CTNND2: variants seen among roughly 807,000 people sequenced by gnomAD.
CTNND2 encodes catenin delta 2.
CTNND2 carries 22 observed loss-of-function variants against 144.4 expected under a neutral mutation model. The ratio of observed to expected loss-of-function variants is 0.15; its 90% CI spans 0.11 to 0.22. The LOEUF (loss-of-function observed/expected upper bound fraction) is 0.22. CTNND2 is among the 10% of genes least tolerant of loss of function. The pLI, the probability that CTNND2 is intolerant of heterozygous loss-of-function variation, is 1.00. For missense variants in CTNND2, 1,353 were observed against 1,618.8 expected, an observed-to-expected ratio of 0.84 and a Z score of 2.82; for synonymous variants, 751 against 695.6, an observed-to-expected ratio of 1.08 and a Z score of -1.25.
chr5:11,777,390 T>C (rs1790316380), intron 1 of CTNND2, among the ~76,000 whole-genome samples: 1 of 152,268 alleles, frequency 6.6e-6, no homozygotes, highest in Non-Finnish European at 1.5e-5. Flanking sequence ...TACCTTAGTA[T>C]TTCATAAGTC....
chr5:11,684,286 T>C (rs559562600), intron 2 of CTNND2, among the ~76,000 whole-genome samples: 1 of 152,070 alleles, frequency 6.6e-6, no homozygotes, highest in African/African-American at 2.4e-5. Context: ...GTATTTTTAG[T>C]GGAGACGGGG....
intron 2 of CTNND2, among the ~76,000 whole-genome samples, chr5:11,710,070 G>A (rs559185505): frequency 6.6e-6 from 1 of 152,220 alleles, no homozygotes; most frequent in East Asian, 1.9e-4. Flanking sequence ...TGTAGTGAGG[G>A]AGAGGTGACC....
At chr5:11,580,299 T>A (rs886855917) in intron 2 of CTNND2, among the ~76,000 whole-genome samples, 2 of 152,190 alleles carry the variant, frequency 1.3e-5, no homozygotes, top group African/African-American at 4.8e-5. Flanking sequence ...GAAACAGATA[T>A]TCAGTATATA....
chr5:11,700,593 C>T (rs182430227), intron 2 of CTNND2, among the ~76,000 whole-genome samples: 62 of 152,210 alleles, frequency 4.1e-4, no homozygotes, highest in South Asian at 1.9e-3. Flanking sequence ...TTTTCATCGG[C>T]GCTGTGTGGT....
At chr5:11,766,463 G>A (rs184847642) in intron 1 of CTNND2, among the ~76,000 whole-genome samples, 16 of 152,268 alleles carry the variant, frequency 1.1e-4, no homozygotes, top group African/African-American at 3.1e-4. Flanking sequence ...GTTTTAAAAA[G>A]AGTTTTCCTG....
chr5:11,654,210 G>T (rs1361845929), intron 2 of CTNND2, among the ~76,000 whole-genome samples: 1 of 151,796 alleles, frequency 6.6e-6, no homozygotes, highest in Non-Finnish European at 1.5e-5. Context: ...GCTCAAGATT[G>T]CTTTGCTCTT....
chr5:11,364,635 A>C, intron 8 of CTNND2, 61 bp downstream of exon 8: 4 of 1,383,582 alleles, frequency 2.9e-6, no homozygotes, highest in Non-Finnish European at 3.9e-6. Flanking sequence ...GTGTTATTGA[A>C]GCTCCCGCGC....
chr5:11,397,181 A>G lies in CTNND2; in HGVS notation c.462T>C (p.Ser154=), dbSNP rs1206293880. 1.2e-5 allele frequency: 20 copies of G among 1,613,986 alleles called. No individual in the cohort carries two copies. Among genetic ancestry groups the G allele is most frequent in the Non-Finnish European group, 1.6e-5 (19 of 1,179,968 alleles). Residue 154 remains serine, a synonymous_variant, in exon 6 of 22, where the codon AGT becomes AGC. Coordinates refer to ENST00000304623, the MANE Select transcript of CTNND2 (RefSeq NM_001332.4). ...CAGGTTTGGAATTGAGCTGAAGTGC[A>G]CTCTGGGAGAGCAGGCTGGGCCCTG... ...TGERPSLLSQ[S]ALQLNSKPEG... is the part of the protein sequence containing the mutation.
chr5:11,456,159 T>A (rs977142072), intron 3 of CTNND2, among the ~76,000 whole-genome samples: 1 of 152,184 alleles, frequency 6.6e-6, no homozygotes, highest in South Asian at 2.1e-4. Flanking sequence ...TTATTTATCA[T>A]CTAATCGAAT....
At chr5:11,353,672 A>G (rs1580993430) in intron 8 of CTNND2, among the ~76,000 whole-genome samples, 1 of 152,014 alleles carries the variant, frequency 6.6e-6, no homozygotes, top group Non-Finnish European at 1.5e-5. Context: ...GTGTGGTGGC[A>G]GGCACCTGTA....
At chr5:11,021,216 G>A (rs967764446) in intron 17 of CTNND2, among the ~76,000 whole-genome samples, 5 of 152,158 alleles carry the variant, frequency 3.3e-5, no homozygotes, top group Non-Finnish European at 7.4e-5. Flanking sequence ...TGCTCATAAA[G>A]TTGGAGAGAA....
chr5:11,137,248 A>C (rs1756252593), intron 12 of CTNND2, among the ~76,000 whole-genome samples: 1 of 152,214 alleles, frequency 6.6e-6, no homozygotes, highest in Non-Finnish European at 1.5e-5. Flanking sequence ...CTTATTTATT[A>C]ATATAAGACA....
chr5:11,787,431 C>G (rs1209998309), intron 1 of CTNND2, among the ~76,000 whole-genome samples: 3 of 152,184 alleles, frequency 2.0e-5, no homozygotes, highest in Non-Finnish European at 2.9e-5. Context: ...TCTAGAGAAT[C>G]ATTTACACGC....
intron 14 of CTNND2, among the ~76,000 whole-genome samples, chr5:11,103,855 T>C (rs1752155799): frequency 6.6e-6 from 1 of 152,144 alleles, no homozygotes; most frequent in Non-Finnish European, 1.5e-5. Flanking sequence ...ACAAGACTCT[T>C]CTCTGTGAGC....
chr5:11,235,353 G>T (rs1376997814), intron 10 of CTNND2, among the ~76,000 whole-genome samples: 1 of 152,142 alleles, frequency 6.6e-6, no homozygotes, highest in Admixed American at 6.5e-5. Flanking sequence ...CCTTTATTTT[G>T]CATGGCCATT....
intron 3 of CTNND2, among the ~76,000 whole-genome samples, chr5:11,461,010 C>G (rs1158639750): frequency 1.3e-5 from 2 of 151,918 alleles, no homozygotes; most frequent in Non-Finnish European, 2.9e-5. Flanking sequence ...GATCATGCCA[C>G]TGCATTCTGG....
At chr5:11,549,239 G>C (rs1775541045) in intron 3 of CTNND2, among the ~76,000 whole-genome samples, 1 of 152,132 alleles carries the variant, frequency 6.6e-6, no homozygotes, top group Non-Finnish European at 1.5e-5. Flanking sequence ...TTGAGGGCAG[G>C]CAGTTTTTCT....
At chr5:11,599,280 A>G (rs10513101) in intron 2 of CTNND2, among the ~76,000 whole-genome samples, 10,673 of 152,198 alleles carry the variant, frequency 0.07, 788 homozygotes, top group African/African-American at 0.19. Context: ...TCATGATAAC[A>G]TAGCAATATT....
chr5:11,393,909 C>T (rs1042131997), intron 6 of CTNND2, among the ~76,000 whole-genome samples: 2 of 152,070 alleles, frequency 1.3e-5, no homozygotes, highest in African/African-American at 2.4e-5. Flanking sequence ...AAAAGGAATC[C>T]TACCAATGAC....
Sources: allele counts gnomAD v4.1 joint callset (sites outside exome capture counted in the v4.1 genomes callset), GRCh38; gene constraint gnomAD v4.1.1; transcripts MANE v1.5; gene names NCBI Gene and HGNC (gene_info 2026-07-23, HGNC 2026-07-21).